Variants in BMPER observed in about 807,000 individuals in gnomAD.
BMPER encodes BMP-binding endothelial regulator protein.
Under a neutral mutation model 87.3 loss-of-function variants are expected in BMPER, and 45 were observed. The observed-to-expected ratio is 0.52, with a 90% confidence interval of 0.41 to 0.66. The LOEUF (loss-of-function observed/expected upper bound fraction) is 0.66, where lower values mean the gene tolerates loss of function less well. Ranked by LOEUF, BMPER falls within the 30% of genes least tolerant of loss-of-function variation. The pLI is 0.00. For missense variants in BMPER, 784 were observed against 867.5 expected (o/e 0.90, Z 1.21); for synonymous variants, 326 against 316.2 (o/e 1.03, Z -0.33).
At chr7:34,057,707 A>G (rs1310106129) in intron 9 of BMPER, among the ~76,000 whole-genome samples, 1 of 152,196 alleles carries the variant, frequency 6.6e-6, no homozygotes, top group Admixed American at 6.5e-5. Context: ...CTGTCATTGT[A>G]TCATGTATGA....
At chr7:34,045,789 C>G (rs544924850) in intron 6 of BMPER, among the ~76,000 whole-genome samples, 3 of 152,086 alleles carry the variant, frequency 2.0e-5, no homozygotes, top group South Asian at 2.1e-4. Context: ...GATACCGAAG[C>G]CTTCCTGGAG....
rs2127994691 is a variant in BMPER, at chr7:34,143,224, C to CTAT, written c.1746-5_1746-3dup. 6.2e-7 allele frequency: 1 copy of CTAT among 1,613,858 alleles called. No individual in the cohort carries two copies. Among genetic ancestry groups the CTAT allele is most frequent in the East Asian group, 2.2e-5 (1 of 44,876 alleles). On this transcript the variant is annotated splice_polypyrimidine_tract_variant and splice_region_variant and intron_variant, in intron 13 of 14. Coordinates refer to ENST00000649409, the MANE Select transcript of BMPER (RefSeq NM_001365308.1). Reference sequence around the variant, plus strand: ...AATGTTTCTATCTCTCTTTTGGGTCCTATAGGTCCTGTGTGACAGACATGT... The same window carrying CTAT: ...AATGTTTCTATCTCTCTTTTGGGTCCTATTATAGGTCCTGTGTGACAGACATGT...
rs137907669 is a variant in BMPER, at chr7:34,025,805, C to G, written c.577-20501C>G. ...CTGGAGTGTGTTCTTGTGCTGCATTCCTAAAAGGACAAGCGCTGGATATAG... is the reference window on the plus strand; with the variant it reads ...CTGGAGTGTGTTCTTGTGCTGCATTGCTAAAAGGACAAGCGCTGGATATAG... On this transcript the variant is annotated intron_variant, in intron 6 of 14. Transcript: ENST00000649409. 5.9e-5 allele frequency among the ~76,000 whole-genome samples: 9 copies of G among 152,096 alleles called. No individual in the cohort carries two copies. The East Asian group carries it at 1.7e-3, about 30-fold the overall frequency.
intron 12 of BMPER, among the ~76,000 whole-genome samples, chr7:34,081,868 AC>A (rs1440877843): frequency 6.6e-6 from 1 of 151,694 alleles, no homozygotes; most frequent in East Asian, 1.9e-4. Context: ...CAAATTTTGC[AC>A]CTCCTCTCTC....
chr7:33,931,433 T>C (rs1214941503), intron 2 of BMPER, among the ~76,000 whole-genome samples: 1 of 152,162 alleles, frequency 6.6e-6, no homozygotes, highest in Non-Finnish European at 1.5e-5. Context: ...AAGAAACCTG[T>C]GAGGATTAAT....
chr7:34,005,861 A>G (rs1485216666), intron 6 of BMPER, among the ~76,000 whole-genome samples: 2 of 152,208 alleles, frequency 1.3e-5, no homozygotes, highest in East Asian at 1.9e-4. Flanking sequence ...TTTAAGTGCT[A>G]GGAAAGCTCT....
rs57640015 is a variant in BMPER, at chr7:34,138,503, A to G, written c.1746-4727A>G. Among the ~76,000 whole-genome samples, 287 of 152,312 alleles carry G rather than the reference A, an allele frequency of 1.9e-3. 4 individuals are homozygous for G. The East Asian group carries it at 0.035, about 19-fold the overall frequency. ...GGGCCTTCTCTTGCCCTATTGTGGC[A>G]CTGAGCAGCTGTGTTAACCACACAG... On this transcript the variant is annotated intron_variant, in intron 13 of 14. Transcript: ENST00000649409.
chr7:34,133,871 A>G (rs1470562344), intron 13 of BMPER, among the ~76,000 whole-genome samples: 5 of 152,100 alleles, frequency 3.3e-5, no homozygotes, highest in African/African-American at 9.7e-5. Flanking sequence ...AAGCAGGAAA[A>G]ACAGTTTAGT....
intron 6 of BMPER, among the ~76,000 whole-genome samples, chr7:34,004,199 T>G (rs1258920993): frequency 6.6e-6 from 1 of 152,162 alleles, no homozygotes; most frequent in African/African-American, 2.4e-5. Context: ...GCAGGAATTT[T>G]TCATTACAGT....
chr7:33,946,747 A>G (rs1306134664), intron 3 of BMPER, among the ~76,000 whole-genome samples: 1 of 152,224 alleles, frequency 6.6e-6, no homozygotes, highest in Non-Finnish European at 1.5e-5. Flanking sequence ...TGAAAAGGCA[A>G]TGGTAGGAGA....
At chr7:33,938,140 C>A (rs1375576394) in intron 3 of BMPER, among the ~76,000 whole-genome samples, 2 of 152,150 alleles carry the variant, frequency 1.3e-5, no homozygotes, top group Admixed American at 6.5e-5. Flanking sequence ...TCATGTAGAT[C>A]GTCAACTCCC....
intron 6 of BMPER, among the ~76,000 whole-genome samples, chr7:34,038,256 G>A (rs1787736993): frequency 6.6e-6 from 1 of 152,146 alleles, no homozygotes; most frequent in Non-Finnish European, 1.5e-5. Context: ...AGAGTCGGAG[G>A]AGATGTGATG....
intron 11 of BMPER, among the ~76,000 whole-genome samples, chr7:34,065,203 ACTCT>A (rs70997564): frequency 0.036 from 3,489 of 97,308 alleles, 69 homozygotes; most frequent in East Asian, 0.084. Flanking sequence ...ATACACACTC[ACTCT>A]CTCTCTCTCT....
Position 34,046,358 on chromosome 7 carries a change from A to G in BMPER, c.629A>G (p.Gln210Arg), listed in dbSNP as rs1430515244. ...REVCPILSCP[Q>R]HLSHIPPGQC... ...GTCTGTCCCATTCTCTCCTGTCCCC[A>G]GCACCTTAGTCACATACCCCCAGGA... is the stretch of plus-strand genomic sequence containing the variant. Residue 210 changes from glutamine (Q) to arginine (R), a missense_variant, in exon 7 of 15, where the codon CAG (glutamine) becomes CGG (arginine). Physicochemically the swap from Gln to Arg is conservative, Grantham distance 43 (BLOSUM62 1). Coordinates refer to ENST00000649409, the MANE Select transcript of BMPER (RefSeq NM_001365308.1). The G allele has an allele frequency of 6.2e-7, 1 of 1,613,924 alleles. No homozygotes were observed. The highest frequency in any genetic ancestry group is 8.5e-7 in the Non-Finnish European group (1 of 1,179,980).
intron 6 of BMPER, among the ~76,000 whole-genome samples, chr7:34,029,725 G>A (rs1787474538): frequency 6.6e-6 from 1 of 152,036 alleles, no homozygotes; most frequent in Admixed American, 6.6e-5. Context: ...GGACTAAGGG[G>A]CAAAGTTTGC....
At chr7:34,099,560 C>T (rs181746859) in intron 13 of BMPER, among the ~76,000 whole-genome samples, 114 of 152,096 alleles carry the variant, frequency 7.5e-4, no homozygotes, top group East Asian at 1.4e-3. Flanking sequence ...CGATTTTATC[C>T]GCCTTTTAAG....
chr7:34,117,809 A>G (rs1447430535), intron 13 of BMPER, among the ~76,000 whole-genome samples: 2 of 152,218 alleles, frequency 1.3e-5, no homozygotes, highest in East Asian at 3.9e-4. Context: ...TAGGCCAGTT[A>G]AAAAGACACT....
At chr7:34,117,307 T>G (rs1790143223) in intron 13 of BMPER, among the ~76,000 whole-genome samples, 1 of 152,152 alleles carries the variant, frequency 6.6e-6, no homozygotes, top group Non-Finnish European at 1.5e-5. Flanking sequence ...TTCATCACAG[T>G]CATTTTTATA....
At chr7:34,140,794 A>G (rs17169661) in intron 13 of BMPER, among the ~76,000 whole-genome samples, 28,042 of 152,240 alleles carry the variant, frequency 0.18, 2,710 homozygotes, top group Non-Finnish European at 0.2. Flanking sequence ...TTTATTGTCC[A>G]TGGAATTTTA....
Sources: gnomAD v4.1 joint callset for allele counts (sites outside exome capture counted in the v4.1 genomes callset) on GRCh38, gnomAD v4.1.1 for gene constraint, MANE v1.5 for transcripts, NCBI Gene and HGNC (gene_info 2026-07-23, HGNC 2026-07-21) for gene names.